KAZN: variants seen among roughly 807,000 people sequenced by gnomAD.
KAZN encodes the protein kazrin, periplakin interacting protein.
Under a neutral mutation model 87.4 loss-of-function variants are expected in KAZN, and 40 were observed. The ratio of observed to expected loss-of-function variants is 0.46; its 90% CI spans 0.36 to 0.60. KAZN has a LOEUF of 0.60. Among genes scored for constraint, KAZN ranks in the 20% least tolerant of loss-of-function variants. KAZN has a pLI of 0.00. For missense variants in KAZN, 898 were observed against 1,073.9 expected (o/e 0.84, Z 2.29); for synonymous variants, 466 against 458.3 (o/e 1.02, Z -0.22).
intron 1 of KAZN, among the ~76,000 whole-genome samples, chr1:14,781,299 G>A (rs1300068651): frequency 6.6e-6 from 1 of 152,174 alleles, no homozygotes; most frequent in African/African-American, 2.4e-5. Context: ...TCCAACCTGG[G>A]CAACAGAGAA....
At chr1:13,998,624 A>AAG (rs1217208590) in intron 1 of KAZN, among the ~76,000 whole-genome samples, 1 of 151,738 alleles carries the variant, frequency 6.6e-6, no homozygotes, top group Non-Finnish European at 1.5e-5. Context: ...AAAAAAAAAA[A>AAG]GAAGGGTAAT....
chr1:15,043,791 C>T (rs961781744), intron 3 of KAZN, among the ~76,000 whole-genome samples, 198 bp from the exon 4 acceptor site: 37 of 152,074 alleles, frequency 2.4e-4, no homozygotes, highest in East Asian at 1.9e-4. Context: ...TACAGGTGCC[C>T]GCCACCATGC....
chr1:14,071,418 A>G (rs555851731), intron 1 of KAZN, among the ~76,000 whole-genome samples: 3 of 152,334 alleles, frequency 2.0e-5, no homozygotes, highest in Non-Finnish European at 4.4e-5. Context: ...GCCTGATCTC[A>G]TAGGTTCTAA....
chr1:14,322,750 A>G (rs1656134016), intron 2 of KAZN, among the ~76,000 whole-genome samples: 1 of 152,210 alleles, frequency 6.6e-6, no homozygotes, highest in African/African-American at 2.4e-5. Context: ...TCAGGAACCA[A>G]GACAAGCCAT....
At chr1:14,800,258 G>A (rs913742260) in intron 1 of KAZN, among the ~76,000 whole-genome samples, 26 of 152,256 alleles carry the variant, frequency 1.7e-4, no homozygotes, top group African/African-American at 4.8e-4. Flanking sequence ...AACTGAAAAC[G>A]TGTGTCCACA....
intron 1 of KAZN, among the ~76,000 whole-genome samples, chr1:14,669,472 G>A (rs967863112): frequency 2.6e-5 from 4 of 152,168 alleles, no homozygotes; most frequent in Non-Finnish European, 4.4e-5. Context: ...AGCTGGGCGC[G>A]GTGGCTCACA....
chr1:14,658,512 G>T (rs1355735746), intron 1 of KAZN, among the ~76,000 whole-genome samples: 1 of 152,208 alleles, frequency 6.6e-6, no homozygotes. Context: ...GTCCTAGAAA[G>T]TCCTCGAAAA....
chr1:14,599,180 C>G lies in KAZN; in HGVS notation c.183C>G (p.Asp61Glu). 7.2e-7 allele frequency: 1 copy of G among 1,382,540 alleles called. No homozygotes were observed. The highest frequency in any genetic ancestry group is 9.3e-7 in the Non-Finnish European group (1 of 1,070,228). The allele number at this position is 1,382,540 out of a possible 1,614,324, so 85.6% of individuals were successfully genotyped here. The change falls in exon 1 of 15, where the codon GAC becomes GAG. Residue 61 changes from aspartate to glutamate, a missense_variant. Asp to Glu is a conservative substitution (Grantham distance 45). Coordinates refer to ENST00000376030, the MANE Select transcript of KAZN (RefSeq NM_201628.3). This position sits in a 1 kb window ranked among gnomAD's most constrained non-coding sequence, Gnocchi z 4.4. Reference sequence around the variant, plus strand: ...CGGCCAGCGCCTCGGCGGCGGGGGACTCGGCGGCGACGAACATGGAGAACC... The same window carrying G: ...CGGCCAGCGCCTCGGCGGCGGGGGAGTCGGCGGCGACGAACATGGAGAACC... ...GAAASASAAG[D>E]SAATNMENPQ...
Position 13,981,093 on chromosome 1 carries a change from A to ATATATATATATATATATATATATG in KAZN, c.91+87354_91+87355insATATATGTATATATATATATATAT, listed in dbSNP as rs71272488. 5.3e-3 allele frequency among the ~76,000 whole-genome samples: 416 copies of ATATATATATATATATATATATATG among 78,046 alleles called. 16 individuals are homozygous for ATATATATATATATATATATATATG. Among genetic ancestry groups the ATATATATATATATATATATATATG allele is most frequent in the African/African-American group, 0.013 (290 of 21,768 alleles). The allele number at this position is 78,046 out of a possible 152,430, so 51.2% of individuals were successfully genotyped here. On this transcript the variant is annotated intron_variant, in intron 1 of 16. Transcript: ENST00000636203. The stretch of plus-strand genomic sequence containing the variant: ...AGAGGTATAAAAAATTACTCTTTAT[A>ATATATATATATATATATATATATG]TATATATATATATATATGTATATAT...
At position 14,667,548 on chromosome 1, in the gene KAZN, A is replaced by G. The variant is rs146815519; in HGVS notation, c.226+68325A>G. 1.7e-3 allele frequency among the ~76,000 whole-genome samples: 264 copies of G among 152,324 alleles called. 2 individuals carry two copies. The highest frequency in any genetic ancestry group is 6.1e-3 in the African/African-American group (252 of 41,574). On this transcript the variant is annotated intron_variant, in intron 1 of 14. Coordinates refer to ENST00000376030, the MANE Select transcript of KAZN (RefSeq NM_201628.3). ...AATCCACGACACAGGAACACTGAAT[A>G]AGTTGTGCTTTGCCAGTCGGGCTGC...
chr1:14,124,037 G>A (rs1644808076), intron 1 of KAZN, among the ~76,000 whole-genome samples: 1 of 152,136 alleles, frequency 6.6e-6, no homozygotes, highest in African/African-American at 2.4e-5. Context: ...ACCTTTCTAT[G>A]ACGACTTTTC....
At position 14,012,206 on chromosome 1, in the gene KAZN, A is replaced by G. The variant is rs1282333213; in HGVS notation, c.91+118450A>G. Among the ~76,000 whole-genome samples, 4 of 152,140 alleles carry G rather than the reference A, an allele frequency of 2.6e-5. No homozygotes were observed. The East Asian group carries it at 7.7e-4, about 29-fold the overall frequency. On this transcript the variant is annotated intron_variant, in intron 1 of 16. Coordinates refer to the KAZN transcript ENST00000636203. ...ATACATCATGTCTTGTTTTATTTGG[A>G]TTTTTTCCAGGAGCTGTGCCCCATT...
intron 2 of KAZN, among the ~76,000 whole-genome samples, chr1:14,566,280 A>C (rs1674543264): frequency 6.6e-6 from 1 of 152,236 alleles, no homozygotes; most frequent in Non-Finnish European, 1.5e-5. Flanking sequence ...GTCAACGACC[A>C]GTAATATTTT....
intron 1 of KAZN, among the ~76,000 whole-genome samples, chr1:14,922,852 C>T (rs180964859): frequency 0.012 from 1,775 of 151,384 alleles, 18 homozygotes; most frequent in African/African-American, 0.031. Context: ...AGGCAGCCTC[C>T]GCAGCTGGGC....
At chr1:14,169,029 A>G (rs1557531907) in intron 1 of KAZN, among the ~76,000 whole-genome samples, 1 of 152,192 alleles carries the variant, frequency 6.6e-6, no homozygotes, top group Admixed American at 6.5e-5. Context: ...GTACTCTGGA[A>G]GTCTTGAGAA....
At chr1:14,792,023 T>G (rs190286195) in intron 1 of KAZN, among the ~76,000 whole-genome samples, 33 of 150,886 alleles carry the variant, frequency 2.2e-4, no homozygotes, top group African/African-American at 7.7e-4. Context: ...GCTTTTCATG[T>G]TCCCCCTGCT....
intron 13 of KAZN, among the ~76,000 whole-genome samples, chr1:15,109,640 T>C (rs1176719523): frequency 1.9e-5 from 2 of 104,310 alleles, no homozygotes; most frequent in African/African-American, 4.3e-5. Context: ...TATGTGTATG[T>C]GTGTTTGTAT....
intron 2 of KAZN, among the ~76,000 whole-genome samples, chr1:14,382,148 G>A (rs1313842585): frequency 1.3e-5 from 2 of 151,966 alleles, no homozygotes; most frequent in African/African-American, 4.8e-5. Context: ...ATAAAATATT[G>A]ATGCAAGAAA....
intron 2 of KAZN, among the ~76,000 whole-genome samples, chr1:15,026,805 G>GT (rs1208283265): frequency 1.1e-4 from 17 of 152,234 alleles, no homozygotes; most frequent in African/African-American, 3.9e-4. Flanking sequence ...ACAATGCAGT[G>GT]TAACAACTAC....
Sources: gnomAD v4.1 joint callset for allele counts (sites outside exome capture counted in the v4.1 genomes callset) on GRCh38, gnomAD v4.1.1 for gene constraint, Gnocchi (gnomAD v3.1) non-coding constraint, MANE v1.5 for transcripts, NCBI Gene and HGNC (gene_info 2026-07-23, HGNC 2026-07-21) for gene names.